The following LAP3 variants were observed in gnomAD, a reference collection of about 807,000 sequenced individuals.
LAP3 encodes cytosol aminopeptidase.
LAP3 carries 46 observed loss-of-function variants against 58.8 expected under a neutral mutation model. That is an observed-to-expected ratio of 0.78 (90% CI 0.62 to 1.00). LAP3 has a LOEUF of 1.00. Ranked by LOEUF, LAP3 falls within the 50% of genes least tolerant of loss-of-function variation. The pLI, the probability that LAP3 is intolerant of heterozygous loss-of-function variation, is 0.00. For missense variants in LAP3, 615 were observed against 659.1 expected (o/e 0.93, Z 0.73); for synonymous variants, 257 against 237.7 (o/e 1.08, Z -0.75).
intron 10 of LAP3, among the ~76,000 whole-genome samples, chr4:17,604,001 A>G (rs552719436): frequency 6.6e-6 from 1 of 151,742 alleles, no homozygotes; most frequent in Non-Finnish European, 1.5e-5. Flanking sequence ...TTGTATTTTT[A>G]GTAGAGACGG....
At chr4:17,605,158 AC>A (rs1476035189) in intron 11 of LAP3, among the ~76,000 whole-genome samples, 1 of 150,458 alleles carries the variant, frequency 6.6e-6, no homozygotes, top group African/African-American at 2.5e-5. Context: ...ACCCTCACTT[AC>A]TGCCATTGGT....
chr4:17,581,883 G>C (rs1713373878), intron 3 of LAP3, 69 bp downstream of exon 3: 2 of 1,188,758 alleles, frequency 1.7e-6, no homozygotes, highest in South Asian at 1.3e-5. Flanking sequence ...TATTGGGGCT[G>C]TCTAGTCATA....
chr4:17,579,951 T>G lies in LAP3; in HGVS notation c.218+12T>G, dbSNP rs971852477. On this transcript the variant is annotated intron_variant, in intron 2 of 12. Transcript: ENST00000226299. ...GAGACTTTGAACATGTAAGTGTTGC[T>G]TGTGGGCTCTAGTTCTTAAAGTGCC... 5.5e-6 allele frequency: 8 copies of G among 1,465,994 alleles called. No homozygotes were observed. The Admixed American group carries it at 8.9e-5, about 16-fold the overall frequency. The allele number at this position is 1,465,994 out of a possible 1,614,324, so 90.8% of individuals were successfully genotyped here.
chr4:17,578,942 T>C (rs1430993348), intron 1 of LAP3, among the ~76,000 whole-genome samples: 1 of 152,186 alleles, frequency 6.6e-6, no homozygotes, highest in Admixed American at 6.5e-5. Context: ...ACTTGAGGAT[T>C]GTAGGGGAGG....
intron 7 of LAP3, among the ~76,000 whole-genome samples, chr4:17,589,932 A>G (rs1311131827): frequency 2.6e-5 from 4 of 152,200 alleles, no homozygotes; most frequent in Non-Finnish European, 5.9e-5. Flanking sequence ...ATCTTATTCA[A>G]CCATAAGTAT....
At chr4:17,604,804 C>G (rs1560152911) in intron 11 of LAP3, 137 bp downstream of exon 11, 5 of 684,580 alleles carry the variant, frequency 7.3e-6, no homozygotes, top group Middle Eastern at 3.9e-4. Context: ...AAATGAACCA[C>G]AGCAATAGAT....
At chr4:17,598,074 A>G (rs898186430) in intron 9 of LAP3, among the ~76,000 whole-genome samples, 1 of 152,250 alleles carries the variant, frequency 6.6e-6, no homozygotes, top group Non-Finnish European at 1.5e-5. Flanking sequence ...AGTTACGGGT[A>G]AAATGGACTA....
chr4:17,607,757 G>A lies in LAP3; in HGVS notation c.*168G>A, dbSNP rs1714182025. 2 of 524,398 alleles carry A rather than the reference G, an allele frequency of 3.8e-6. No individual in the cohort carries two copies. The highest frequency in any genetic ancestry group is 6.6e-6 in the Non-Finnish European group (2 of 303,120). 32.5% of individuals were successfully genotyped at this position (524,398 alleles called of 1,614,324 possible). A position where few individuals can be genotyped will look rare whatever the true frequency, so the allele number is the denominator to read the frequency against. The stretch of plus-strand genomic sequence containing the variant: ...TGATTTTTTTTTCATTTCACACAAA[G>A]ATTTATAAAGGTAAAGTTAATATCT... On this transcript the variant is annotated 3_prime_UTR_variant, in exon 13 of 13. Transcript: ENST00000226299.
intron 1 of LAP3, among the ~76,000 whole-genome samples, chr4:17,577,810 C>T (rs1433165967): frequency 2.6e-5 from 4 of 152,248 alleles, no homozygotes; most frequent in Admixed American, 2.0e-4. Flanking sequence ...GCCCTTTACC[C>T]GGCTCCACTC....
intron 10 of LAP3, among the ~76,000 whole-genome samples, chr4:17,600,520 G>A (rs1410225049): frequency 1.3e-5 from 2 of 152,048 alleles, no homozygotes; most frequent in Non-Finnish European, 2.9e-5. Flanking sequence ...TAAACATAAC[G>A]TTCATAATTA....
intron 5 of LAP3, chr4:17,584,682 G>C (rs1358658512): frequency 4.6e-6 from 1 of 217,922 alleles, no homozygotes; most frequent in Admixed American, 5.5e-5. Flanking sequence ...GAGCTTCAAA[G>C]ACCCCACAGC....
chr4:17,588,657 T>G (rs540930365), intron 6 of LAP3, among the ~76,000 whole-genome samples, 162 bp from the exon 7 acceptor site: 2 of 152,348 alleles, frequency 1.3e-5, no homozygotes, highest in African/African-American at 4.8e-5. Flanking sequence ...TGCCCAAGAA[T>G]ATACAGAAAG....
rs368257633 is a variant in LAP3, at chr4:17,588,988, T to C, written c.863+11T>C. 9 of 1,612,416 alleles carry C rather than the reference T, an allele frequency of 5.6e-6. No homozygotes were observed. Among genetic ancestry groups the C allele is most frequent in the Non-Finnish European group, 6.8e-6 (8 of 1,178,710 alleles). ...AATTACCTTTGACAGGTATTTTTTA[T>C]GGTGTCCGTGCTTTGTATTTTGGTG... On this transcript the variant is annotated intron_variant, in intron 7 of 12. Coordinates refer to ENST00000226299, the MANE Select transcript of LAP3 (RefSeq NM_015907.3).
At chr4:17,577,620 T>TA in intron 1 of LAP3, 53 bp downstream of exon 1, 1 of 1,374,842 alleles carries the variant, frequency 7.3e-7, no homozygotes, top group Non-Finnish European at 1.0e-6. Context: ...GCCCGTGGGC[T>TA]ACTGGGGCTG....
At chr4:17,584,774 G>A (rs1036787518) in intron 5 of LAP3, 198 bp from the exon 6 acceptor site, 2 of 491,834 alleles carry the variant, frequency 4.1e-6, no homozygotes, top group Non-Finnish European at 7.3e-6. Flanking sequence ...GTGTGGCCAT[G>A]TTTTCTAGCT....
At chr4:17,596,519 A>G (rs556576394) in intron 8 of LAP3, among the ~76,000 whole-genome samples, 339 of 152,164 alleles carry the variant, frequency 2.2e-3, no homozygotes, top group Non-Finnish European at 3.2e-3. Context: ...TTGTATTTTT[A>G]GTAGAGACGG....
At chr4:17,594,254 G>C (rs953159856) in intron 7 of LAP3, among the ~76,000 whole-genome samples, 3 of 152,194 alleles carry the variant, frequency 2.0e-5, no homozygotes, top group African/African-American at 7.2e-5. Flanking sequence ...GTGGCAGGTG[G>C]ACAGAAGAAA....
intron 7 of LAP3, among the ~76,000 whole-genome samples, chr4:17,595,192 C>T (rs1330033971): frequency 6.6e-6 from 1 of 151,074 alleles, no homozygotes; most frequent in Non-Finnish European, 1.5e-5. Flanking sequence ...GCGCCCACCA[C>T]CACACCCGGC....
At chr4:17,581,708 A>G in intron 2 of LAP3, 52 bp from the exon 3 acceptor site, 1 of 1,462,722 alleles carries the variant, frequency 6.8e-7, no homozygotes, top group Non-Finnish European at 9.6e-7. Flanking sequence ...TGCCTTCCCA[A>G]GTGAACCGAG....
Sources: gnomAD v4.1 joint callset for allele counts (sites outside exome capture counted in the v4.1 genomes callset) on GRCh38, gnomAD v4.1.1 for gene constraint, MANE v1.5 for transcripts, NCBI Gene and HGNC (gene_info 2026-07-23, HGNC 2026-07-21) for gene names.